Variants in PRTG observed in about 807,000 individuals in gnomAD.
PRTG encodes the protein immunoglobulin superfamily, DCC subclass, member 5.
Under a neutral mutation model 122.5 loss-of-function variants are expected in PRTG, and 67 were observed. The observed-to-expected ratio is 0.55, with a 90% confidence interval of 0.45 to 0.67. PRTG has a LOEUF of 0.67. Among genes scored for constraint, PRTG ranks in the 30% least tolerant of loss-of-function variants. The pLI is 0.00. For synonymous variants in PRTG, 554 were observed against 501.1 expected (o/e 1.11, Z -1.41); for missense variants, 1,435 against 1,415.4 (o/e 1.01, Z -0.22).
At chr15:55,718,498 G>A (rs1219471528) in intron 2 of PRTG, among the ~76,000 whole-genome samples, 3 of 151,556 alleles carry the variant, frequency 2.0e-5, no homozygotes, top group African/African-American at 7.3e-5. Flanking sequence ...CCGCTTTGAC[G>A]GTAATTTTCC....
chr15:55,731,789 T>C (rs2031242868), intron 2 of PRTG, among the ~76,000 whole-genome samples: 1 of 152,228 alleles, frequency 6.6e-6, no homozygotes, highest in Non-Finnish European at 1.5e-5. Flanking sequence ...TTTTTTAAAA[T>C]ACTGAGTCAA....
intron 2 of PRTG, among the ~76,000 whole-genome samples, chr15:55,736,364 C>T (rs11853533): frequency 0.37 from 54,719 of 146,778 alleles, 12,502 homozygotes; most frequent in Non-Finnish European, 0.52. Context: ...CTCTTTTCAA[C>T]GTATCACTTC....
In PRTG at chr15:55,680,229, A is replaced by T. The variant is rs2059529843; in HGVS notation, c.815-17T>A. The T allele has an allele frequency of 1.3e-6, 2 of 1,587,818 alleles. No individual in the cohort carries two copies. The highest frequency in any genetic ancestry group is 2.7e-5 in the African/African-American group (2 of 74,378). ...ATTTGTGATCTATTTCAAAGAGAAT[A>T]CTTCAGTTTAAACAATGTAACAAAT... is the stretch of plus-strand genomic sequence containing the variant. On this transcript the variant is annotated splice_polypyrimidine_tract_variant and intron_variant, in intron 5 of 19. Transcript: ENST00000389286.
At chr15:55,721,569 T>A (rs1278277727) in intron 2 of PRTG, among the ~76,000 whole-genome samples, 1 of 152,222 alleles carries the variant, frequency 6.6e-6, no homozygotes, top group Non-Finnish European at 1.5e-5. Flanking sequence ...TTCCTTCATC[T>A]AATTAAAATC....
intron 2 of PRTG, among the ~76,000 whole-genome samples, chr15:55,711,586 G>C (rs2030390085): frequency 6.6e-6 from 1 of 151,998 alleles, no homozygotes; most frequent in South Asian, 2.1e-4. Context: ...ACTCAGGACA[G>C]CCTGCTGGAT....
intron 18 of PRTG, among the ~76,000 whole-genome samples, chr15:55,621,789 A>G (rs749230007): frequency 2.0e-5 from 3 of 152,218 alleles, no homozygotes; most frequent in South Asian, 2.1e-4. Flanking sequence ...ATTAAGATAC[A>G]TATATATGTG....
intron 2 of PRTG, among the ~76,000 whole-genome samples, chr15:55,732,940 A>G (rs1337756245): frequency 2.0e-5 from 3 of 152,212 alleles, no homozygotes; most frequent in African/African-American, 4.8e-5. Context: ...GGCTGGACGC[A>G]GTGGCTCATG....
intron 13 of PRTG, among the ~76,000 whole-genome samples, chr15:55,638,955 ATCAT>A (rs56726387): frequency 0.33 from 49,237 of 148,144 alleles, 9,360 homozygotes; most frequent in East Asian, 0.93. Flanking sequence ...TGGAAGTCAA[ATCAT>A]TCATTCATTC....
intron 2 of PRTG, among the ~76,000 whole-genome samples, chr15:55,732,253 A>G (rs914319242): frequency 1.1e-4 from 16 of 152,134 alleles, no homozygotes; most frequent in African/African-American, 3.1e-4. Flanking sequence ...CAGTGACACA[A>G]TCTGGGCTCA....
intron 2 of PRTG, among the ~76,000 whole-genome samples, chr15:55,707,202 T>C (rs1026824729): frequency 1.4e-4 from 21 of 152,196 alleles, no homozygotes; most frequent in Non-Finnish European, 2.6e-4. Flanking sequence ...TGATTGAGAA[T>C]TGTGTTTTAC....
At chr15:55,685,087 T>C (rs1197997055) in intron 2 of PRTG, among the ~76,000 whole-genome samples, 3 of 152,168 alleles carry the variant, frequency 2.0e-5, no homozygotes, top group African/African-American at 7.2e-5. Flanking sequence ...ACTATAGTCT[T>C]CCTCCTCCCC....
Position 55,639,808 on chromosome 15 carries a change from G to T in PRTG, c.2158C>A (p.Pro720Thr). 2.5e-6 allele frequency: 4 copies of T among 1,614,016 alleles called. No homozygotes were observed. The highest frequency in any genetic ancestry group is 3.4e-6 in the Non-Finnish European group (4 of 1,179,986). Residue 720 changes from proline to threonine, a missense_variant, in exon 13 of 20, where the codon CCT becomes ACT. Physicochemically the swap from Pro to Thr is conservative, Grantham distance 38 (BLOSUM62 -1). Coordinates refer to ENST00000389286, the MANE Select transcript of PRTG (RefSeq NM_173814.6). The stretch of plus-strand genomic sequence containing the variant: ...AGATGGTGGGGTGGTGGTGGAGGAG[G>T]GACCATGCGATCACGAACAGCTATT... Reference protein sequence around the residue: ...GCVSVRDRMVPPPPPPHHLYA... With the variant: ...GCVSVRDRMVTPPPPPHHLYA...
chr15:55,689,581 T>C (rs1428742906), intron 2 of PRTG, among the ~76,000 whole-genome samples: 1 of 150,546 alleles, frequency 6.6e-6, no homozygotes, highest in Non-Finnish European at 1.5e-5. Flanking sequence ...GGCACATGTA[T>C]ACCTATGTAA....
At chr15:55,642,172 C>G (rs1432344783) in intron 11 of PRTG, among the ~76,000 whole-genome samples, 1 of 111,850 alleles carries the variant, frequency 8.9e-6, no homozygotes, top group African/African-American at 5.1e-5. Flanking sequence ...CAGAGCGAGA[C>G]TCCGTCTCAA....
chr15:55,617,649 A>G lies in PRTG; in HGVS notation c.*2363T>C, dbSNP rs1342011378. 2 of 152,164 alleles carry G rather than the reference A, an allele frequency of 1.3e-5. No homozygotes were observed. The highest frequency in any genetic ancestry group is 2.9e-5 in the Non-Finnish European group (2 of 68,014). 9.4% of individuals were successfully genotyped at this position (152,164 alleles called of 1,614,324 possible). A position where few individuals can be genotyped will look rare whatever the true frequency, so the allele number is the denominator to read the frequency against. On this transcript the variant is annotated 3_prime_UTR_variant, in exon 20 of 20. Coordinates refer to ENST00000389286, the MANE Select transcript of PRTG (RefSeq NM_173814.6). ...ATAATTATCAAATAGTTATAGCCTA[A>G]AGTTCTATTGTAACTATAAGCCTAT...
rs115386757 is a variant in PRTG, at chr15:55,697,543, G to A, written c.398-13612C>T. ...GTTTGTTTGTTTGAGATGGAGTCTTGCACTATCGCCAGGCTGGAGTGCAGT... is the reference window on the plus strand; with the variant it reads ...GTTTGTTTGTTTGAGATGGAGTCTTACACTATCGCCAGGCTGGAGTGCAGT... On this transcript the variant is annotated intron_variant, in intron 2 of 19. Coordinates refer to ENST00000389286, the MANE Select transcript of PRTG (RefSeq NM_173814.6). Among the ~76,000 whole-genome samples, 795 of 152,268 alleles carry A rather than the reference G, an allele frequency of 5.2e-3. 10 individuals carry two copies. Among genetic ancestry groups the A allele is most frequent in the African/African-American group, 0.019 (771 of 41,554 alleles).
Position 55,645,425 on chromosome 15 carries a change from C to T in PRTG, c.2042-4217G>A, listed in dbSNP as rs2059316026. Among the ~76,000 whole-genome samples, 7 of 15,404 alleles carry T rather than the reference C, an allele frequency of 4.5e-4. No homozygotes were observed. In the South Asian group the frequency reaches 0.02, roughly 45 times the overall value. 10.1% of individuals were successfully genotyped at this position (15,404 alleles called of 152,430 possible). On this transcript the variant is annotated intron_variant, in intron 11 of 19. Transcript: ENST00000389286. ...CTCCAGCCTGGGCGACAGAGCGAAA[C>T]TCCGTCTCAAAAAAAAAAAAAAAAA...
chr15:55,691,542 A>G (rs984918847), intron 2 of PRTG, among the ~76,000 whole-genome samples: 15 of 147,300 alleles, frequency 1.0e-4, no homozygotes, highest in Admixed American at 2.0e-4. Context: ...TTAGCCGGGC[A>G]TGGTGGCGTA....
At chr15:55,688,929 T>C (rs1463096246) in intron 2 of PRTG, among the ~76,000 whole-genome samples, 1 of 152,208 alleles carries the variant, frequency 6.6e-6, no homozygotes, top group Admixed American at 6.5e-5. Context: ...TGCTTCATCT[T>C]TGTCACACCA....
Sources: allele counts gnomAD v4.1 joint callset (sites outside exome capture counted in the v4.1 genomes callset), GRCh38; gene constraint gnomAD v4.1.1; transcripts MANE v1.5; gene names NCBI Gene and HGNC (gene_info 2026-07-23, HGNC 2026-07-21).